Variants in SOX6 observed in about 807,000 individuals in gnomAD.
SOX6 encodes the protein transcription factor SOX-6.
In SOX6, 11 loss-of-function variants were observed where a neutral mutation model predicts 97.8. The ratio of observed to expected loss-of-function variants is 0.11; its 90% CI spans 0.07 to 0.19. The LOEUF (loss-of-function observed/expected upper bound fraction) is 0.19. Ranked by LOEUF, SOX6 falls within the 10% of genes least tolerant of loss-of-function variation. The pLI is 1.00. For missense variants in SOX6, 810 were observed against 1,039.5 expected, an observed-to-expected ratio of 0.78 and a Z score of 3.04; for synonymous variants, 360 against 371.4, an observed-to-expected ratio of 0.97 and a Z score of 0.35.
At chr11:16,735,076 A>G (rs1438435066) in intron 2 of SOX6, among the ~76,000 whole-genome samples, 1 of 152,184 alleles carries the variant, frequency 6.6e-6, no homozygotes, top group African/African-American at 2.4e-5. Flanking sequence ...TAGAATCTCT[A>G]CATTCCATTT....
chr11:16,055,399 C>T (rs1442920520), intron 10 of SOX6, among the ~76,000 whole-genome samples: 1 of 152,056 alleles, frequency 6.6e-6, no homozygotes, highest in African/African-American at 2.4e-5. Context: ...TAACTCCCTG[C>T]CTGTTTAAGA....
intron 3 of SOX6, among the ~76,000 whole-genome samples, chr11:16,291,363 G>GAATAAATAAATA (rs138094110): frequency 0.087 from 12,853 of 148,048 alleles, 663 homozygotes; most frequent in South Asian, 0.15. Context: ...TATAATGAAT[G>GAATAAATAAATA]AATAAATAAA....
chr11:16,043,739 CT>C (rs1411814868), intron 12 of SOX6, among the ~76,000 whole-genome samples: 1 of 152,206 alleles, frequency 6.6e-6, no homozygotes, highest in Non-Finnish European at 1.5e-5. Flanking sequence ...AGATCCCCCC[CT>C]GCTTCAGGAC....
intron 12 of SOX6, among the ~76,000 whole-genome samples, chr11:16,026,785 G>C (rs1046205133): frequency 6.6e-6 from 1 of 152,230 alleles, no homozygotes; most frequent in African/African-American, 2.4e-5. Flanking sequence ...CTTTTCTTAA[G>C]ATGAAGTAAA....
chr11:16,237,953 A>G (rs1853074049), intron 3 of SOX6, among the ~76,000 whole-genome samples: 1 of 151,944 alleles, frequency 6.6e-6, no homozygotes, highest in African/African-American at 2.4e-5. Context: ...GAAAAATGTC[A>G]CCATAATATG....
intron 4 of SOX6, among the ~76,000 whole-genome samples, chr11:16,552,636 T>C (rs1428496544): frequency 1.3e-5 from 2 of 152,204 alleles, no homozygotes; most frequent in Non-Finnish European, 2.9e-5. Context: ...TAAAGGAATA[T>C]GTACTTTAAA....
intron 4 of SOX6, among the ~76,000 whole-genome samples, chr11:16,524,492 A>C (rs1565171751): frequency 1.3e-5 from 2 of 152,088 alleles, no homozygotes; most frequent in South Asian, 2.1e-4. Context: ...CAAAATAATA[A>C]GAGCTATCTA....
At chr11:16,131,810 C>T (rs897239625) in intron 6 of SOX6, among the ~76,000 whole-genome samples, 19 of 152,038 alleles carry the variant, frequency 1.2e-4, no homozygotes, top group African/African-American at 4.3e-4. Flanking sequence ...AAATGAAATA[C>T]ATCTAACAGA....
intron 6 of SOX6, among the ~76,000 whole-genome samples, chr11:16,155,295 C>T (rs1850568596): frequency 6.6e-6 from 1 of 152,056 alleles, no homozygotes; most frequent in South Asian, 2.1e-4. Flanking sequence ...CGAGGTCTTC[C>T]ACTTATTAAC....
chr11:16,061,871 T>G (rs2133929750), intron 9 of SOX6, among the ~76,000 whole-genome samples: 1 of 151,624 alleles, frequency 6.6e-6, no homozygotes, highest in South Asian at 2.1e-4. Context: ...TGCCTATCTC[T>G]CCCCATATAC....
At chr11:16,119,556 T>C (rs1247174622) in intron 6 of SOX6, among the ~76,000 whole-genome samples, 1 of 152,200 alleles carries the variant, frequency 6.6e-6, no homozygotes, top group Non-Finnish European at 1.5e-5. Flanking sequence ...CTGTCCCAAA[T>C]GGCCTGTGCC....
chr11:16,186,740 C>T (rs756329513), intron 5 of SOX6, 43 bp downstream of exon 5: 2 of 1,606,314 alleles, frequency 1.2e-6, no homozygotes, highest in Admixed American at 3.3e-5. Context: ...GAGCCTGGCA[C>T]ATTCCACATC....
intron 3 of SOX6, among the ~76,000 whole-genome samples, chr11:16,634,202 C>T (rs1848750772): frequency 6.6e-6 from 1 of 151,428 alleles, no homozygotes; most frequent in Middle Eastern, 3.2e-3. Context: ...AAAAGAGAAA[C>T]TTAGGACTGG....
intron 1 of SOX6, among the ~76,000 whole-genome samples, chr11:16,453,620 C>A (rs1401946310): frequency 1.3e-5 from 2 of 152,148 alleles, no homozygotes; most frequent in East Asian, 3.9e-4. Flanking sequence ...AAACTCTTAC[C>A]CTTTCCTATG....
chr11:16,596,760 C>A (rs10832648), intron 4 of SOX6, among the ~76,000 whole-genome samples: 40,429 of 152,070 alleles, frequency 0.27, 6,140 homozygotes, highest in East Asian at 0.53. Context: ...TATTAATGAA[C>A]CTCATGTTTT....
intron 3 of SOX6, among the ~76,000 whole-genome samples, chr11:16,687,924 T>G (rs1352017778): frequency 1.3e-5 from 2 of 152,162 alleles, no homozygotes; most frequent in African/African-American, 4.8e-5. Context: ...TGTTTCTCTA[T>G]AAATAATGTC....
At chr11:16,341,515 T>C (rs1856634854) in intron 1 of SOX6, among the ~76,000 whole-genome samples, 1 of 152,090 alleles carries the variant, frequency 6.6e-6, no homozygotes, top group South Asian at 2.1e-4. Context: ...AGAGTAAGTT[T>C]TCATAATGGA....
At chr11:16,184,906 C>G (rs900396318) in intron 5 of SOX6, among the ~76,000 whole-genome samples, 2 of 138,668 alleles carry the variant, frequency 1.4e-5, no homozygotes, top group Non-Finnish European at 3.1e-5. Flanking sequence ...GCACTCAGGA[C>G]TTTGTTTAGT....
chr11:15,988,128 G>A (rs1475323931), intron 14 of SOX6, among the ~76,000 whole-genome samples: 2 of 152,130 alleles, frequency 1.3e-5, no homozygotes, highest in African/African-American at 4.8e-5. Context: ...TTCTTAAATG[G>A]CTTCCTTTGA....
Sources: gnomAD v4.1 joint callset for allele counts (sites outside exome capture counted in the v4.1 genomes callset) on GRCh38, gnomAD v4.1.1 for gene constraint, MANE v1.5 for transcripts, NCBI Gene and HGNC (gene_info 2026-07-23, HGNC 2026-07-21) for gene names.